The following TCF12 variants were observed in gnomAD, a reference collection of about 807,000 sequenced individuals.
TCF12 encodes DNA-binding protein HTF4.
TCF12 carries 45 observed loss-of-function variants against 86.0 expected under a neutral mutation model. The observed-to-expected ratio is 0.52, with a 90% CI of 0.41 to 0.67. The LOEUF is 0.67. TCF12 is among the 30% of genes least tolerant of loss of function. The pLI is 0.00. For synonymous variants in TCF12, 330 were observed against 299.6 expected (o/e 1.10, Z -1.05); for missense variants, 881 against 859.9 (o/e 1.02, Z -0.31).
chr15:57,209,427 C>T (rs1261486950), intron 8 of TCF12, among the ~76,000 whole-genome samples: 3 of 151,888 alleles, frequency 2.0e-5, no homozygotes, highest in South Asian at 4.2e-4. Context: ...GGTCCTCACG[C>T]GAAAGAAAAG....
rs1479850583 is a variant in TCF12 at position 57,231,207 on chromosome 15, C to T, written c.635C>T (p.Pro212Leu). ...DDFNRESPSY[P>L]SPKPPTSMFA... is the part of the protein sequence containing the mutation. ...TTCAACCGTGAATCTCCTAGTTATC[C>T]ATCTCCTAAGCCACCAACCAGTATG... Residue 212 changes from proline to leucine, a missense_variant, in exon 9 of 21, where the codon CCA (proline) becomes CTA (leucine). Physicochemically the swap from Pro to Leu is moderately conservative, Grantham distance 98. Coordinates refer to ENST00000333725, the MANE Select transcript of TCF12 (RefSeq NM_207037.2). The T allele has an allele frequency of 6.2e-7, 1 of 1,613,078 alleles. No individual in the cohort carries two copies. Among genetic ancestry groups the T allele is most frequent in the African/African-American group, 1.3e-5 (1 of 74,858 alleles).
At chr15:56,949,985 G>A (rs1389441305) in intron 3 of TCF12, among the ~76,000 whole-genome samples, 4 of 152,188 alleles carry the variant, frequency 2.6e-5, no homozygotes, top group Non-Finnish European at 5.9e-5. Flanking sequence ...TTAGCAATAT[G>A]TGGTTAAATT....
At chr15:57,157,753 G>A (rs550482619) in intron 5 of TCF12, among the ~76,000 whole-genome samples, 2 of 151,756 alleles carry the variant, frequency 1.3e-5, no homozygotes, top group Non-Finnish European at 2.9e-5. Context: ...AGTAGAGATG[G>A]GGTTTCACTA....
At chr15:57,197,152 C>CTTTTTTTTTTTTTTTTTTTTTTTTTT (rs138145337) in intron 7 of TCF12, among the ~76,000 whole-genome samples, 1 of 87,260 alleles carries the variant, frequency 1.1e-5, no homozygotes, top group African/African-American at 4.3e-5. Context: ...AGAACAGCTT[C>CTTTTTTTTTTTTTTTTTTTTTTTTTT]TTTTTTTTTT....
intron 8 of TCF12, among the ~76,000 whole-genome samples, chr15:57,205,298 G>A (rs1409773656): frequency 1.3e-5 from 2 of 152,048 alleles, no homozygotes; most frequent in Admixed American, 1.3e-4. Flanking sequence ...CTGAGACCCT[G>A]TCTTAAAAAA....
At chr15:57,092,210 G>A (rs2049035264) in intron 5 of TCF12, among the ~76,000 whole-genome samples, 1 of 152,132 alleles carries the variant, frequency 6.6e-6, no homozygotes, top group Non-Finnish European at 1.5e-5. Context: ...GGGCATTTGT[G>A]ATGTTACTAT....
chr15:57,106,212 A>G (rs2050122644), intron 5 of TCF12, among the ~76,000 whole-genome samples: 1 of 152,264 alleles, frequency 6.6e-6, no homozygotes, highest in South Asian at 2.1e-4. Context: ...ATCTTGGAAC[A>G]GAAAAATTAC....
chr15:57,023,960 A>G (rs1372016292), intron 3 of TCF12, among the ~76,000 whole-genome samples: 1 of 152,140 alleles, frequency 6.6e-6, no homozygotes, highest in African/African-American at 2.4e-5. Flanking sequence ...TCATGTGCCT[A>G]TGAAAATCTA....
chr15:57,207,954 G>A (rs541858305), intron 8 of TCF12, among the ~76,000 whole-genome samples: 42 of 150,978 alleles, frequency 2.8e-4, no homozygotes, highest in African/African-American at 1.0e-3. Context: ...TATATACTAA[G>A]TCCTTATCGT....
At chr15:57,008,841 A>G (rs2064644470) in intron 3 of TCF12, among the ~76,000 whole-genome samples, 1 of 152,170 alleles carries the variant, frequency 6.6e-6, no homozygotes, top group Admixed American at 6.5e-5. Flanking sequence ...AAATTGCAAT[A>G]TTTCATGATG....
At chr15:57,005,575 GTTTTTA>G (rs1255555714) in intron 3 of TCF12, among the ~76,000 whole-genome samples, 4 of 151,946 alleles carry the variant, frequency 2.6e-5, no homozygotes, top group Admixed American at 1.3e-4. Flanking sequence ...TTTTGTTTTT[GTTTTTA>G]TTTGTAGACA....
At chr15:56,967,566 C>T (rs943430798) in intron 3 of TCF12, among the ~76,000 whole-genome samples, 1 of 152,258 alleles carries the variant, frequency 6.6e-6, no homozygotes, top group Non-Finnish European at 1.5e-5. Context: ...TGCCAAGGAC[C>T]GGATGTACTT....
intron 3 of TCF12, among the ~76,000 whole-genome samples, chr15:57,006,819 G>A (rs778669528): frequency 1.3e-5 from 2 of 152,090 alleles, no homozygotes; most frequent in African/African-American, 4.8e-5. Context: ...GGGAGGCTGA[G>A]GTGGGAGGAT....
intron 3 of TCF12, among the ~76,000 whole-genome samples, chr15:57,000,532 A>G (rs1441885736): frequency 2.0e-5 from 3 of 152,252 alleles, no homozygotes; most frequent in African/African-American, 7.2e-5. Context: ...TGTAGAAACT[A>G]GACAAAAGAT....
intron 3 of TCF12, among the ~76,000 whole-genome samples, chr15:56,958,451 G>T (rs1346816236): frequency 6.6e-6 from 1 of 151,840 alleles, no homozygotes; most frequent in Non-Finnish European, 1.5e-5. Context: ...TGTCTTTATG[G>T]CAGGCAGAGG....
chr15:56,923,758 C>T (rs1270470135), intron 3 of TCF12, among the ~76,000 whole-genome samples: 1 of 151,708 alleles, frequency 6.6e-6, no homozygotes, highest in East Asian at 1.9e-4. Context: ...CTGAAAATTT[C>T]CTTTGTTTTT....
intron 3 of TCF12, among the ~76,000 whole-genome samples, chr15:56,989,219 G>C (rs1327648724): frequency 1.3e-5 from 2 of 152,020 alleles, no homozygotes; most frequent in African/African-American, 4.8e-5. Flanking sequence ...TTTAAGTCCT[G>C]CAAGCAGAGA....
intron 5 of TCF12, among the ~76,000 whole-genome samples, chr15:57,126,082 A>G (rs1327989742): frequency 6.6e-6 from 1 of 152,118 alleles, no homozygotes; most frequent in African/African-American, 2.4e-5. Flanking sequence ...AATAACAACA[A>G]CAACAAAGAA....
chr15:57,020,893 A>G (rs572974087), intron 3 of TCF12, among the ~76,000 whole-genome samples: 1 of 152,296 alleles, frequency 6.6e-6, no homozygotes, highest in South Asian at 2.1e-4. Context: ...TTCAAAACCA[A>G]GGGGAACTAT....
Sources: allele counts gnomAD v4.1 joint callset (sites outside exome capture counted in the v4.1 genomes callset), GRCh38; gene constraint gnomAD v4.1.1; transcripts MANE v1.5; gene names NCBI Gene and HGNC (gene_info 2026-07-23, HGNC 2026-07-21).